Variants in GABBR2 observed in about 807,000 individuals in gnomAD.
GABBR2 encodes the protein gamma-aminobutyric acid type B receptor subunit 2.
In GABBR2, 23 loss-of-function variants were observed where a neutral mutation model predicts 105.6. The ratio of observed to expected loss-of-function variants is 0.22; its 90% CI spans 0.16 to 0.31. The LOEUF is 0.31. Among genes scored for constraint, GABBR2 ranks in the 10% least tolerant of loss-of-function variants. GABBR2 has a pLI of 1.00. For missense variants in GABBR2, 734 were observed against 1,245.5 expected, an observed-to-expected ratio of 0.59 and a Z score of 6.18; for synonymous variants, 478 against 499.7, an observed-to-expected ratio of 0.96 and a Z score of 0.58.
chr9:98,549,757 G>T (rs113964626), intron 2 of GABBR2, among the ~76,000 whole-genome samples: 2,457 of 152,312 alleles, frequency 0.016, 69 homozygotes, highest in African/African-American at 0.055. Flanking sequence ...TGCCCAGGGA[G>T]TCTTGAGCAC....
chr9:98,417,445 T>C (rs1292377136), intron 7 of GABBR2, among the ~76,000 whole-genome samples: 4 of 152,196 alleles, frequency 2.6e-5, no homozygotes, highest in Non-Finnish European at 5.9e-5. Context: ...TGATGTTGGC[T>C]AACACTATTT....
intron 1 of GABBR2, among the ~76,000 whole-genome samples, chr9:98,598,800 G>A (rs893617557): frequency 6.6e-6 from 1 of 152,082 alleles, no homozygotes; most frequent in African/African-American, 2.4e-5. Context: ...CCTAGGAGGC[G>A]GCATCACACA....
intron 2 of GABBR2, among the ~76,000 whole-genome samples, chr9:98,572,185 G>C (rs903450674): frequency 6.6e-6 from 1 of 152,214 alleles, no homozygotes; most frequent in Non-Finnish European, 1.5e-5. Flanking sequence ...CATATAGAGG[G>C]AGAAACAGGT....
At chr9:98,677,122 G>C (rs1020918460) in intron 1 of GABBR2, among the ~76,000 whole-genome samples, 1 of 152,180 alleles carries the variant, frequency 6.6e-6, no homozygotes, top group African/African-American at 2.4e-5. Flanking sequence ...TTTTCACATA[G>C]CCAAGAAGAC....
At chr9:98,299,446 T>C (rs1830434182) in intron 16 of GABBR2, 93 bp from the exon 17 acceptor site, 1 of 1,365,282 alleles carries the variant, frequency 7.3e-7, no homozygotes, top group African/African-American at 1.4e-5. Context: ...GGGCTGGGCC[T>C]TTACCTGTAT....
At chr9:98,523,775 G>A (rs1157486420) in intron 3 of GABBR2, among the ~76,000 whole-genome samples, 1 of 152,182 alleles carries the variant, frequency 6.6e-6, no homozygotes, top group Non-Finnish European at 1.5e-5. Context: ...ACCCACCAGA[G>A]TTGTTGGTCA....
At chr9:98,404,056 C>G (rs1338507361) in intron 8 of GABBR2, among the ~76,000 whole-genome samples, 1 of 151,304 alleles carries the variant, frequency 6.6e-6, no homozygotes, top group Admixed American at 6.6e-5. Context: ...GTGTTTAAAC[C>G]TAACGTATGA....
chr9:98,645,315 A>G (rs1443960096), intron 1 of GABBR2, among the ~76,000 whole-genome samples: 1 of 152,182 alleles, frequency 6.6e-6, no homozygotes, highest in Non-Finnish European at 1.5e-5. Flanking sequence ...GACTAAAAGC[A>G]TAGCGTCCAG....
chr9:98,343,665 C>A (rs938851526), intron 13 of GABBR2, among the ~76,000 whole-genome samples: 4 of 152,092 alleles, frequency 2.6e-5, no homozygotes, highest in African/African-American at 9.7e-5. Context: ...TGAGACCAGC[C>A]TGATTAACAT....
chr9:98,560,402 T>TAC (rs1251088489), intron 2 of GABBR2, among the ~76,000 whole-genome samples: 86 of 106,736 alleles, frequency 8.1e-4, no homozygotes, highest in African/African-American at 2.0e-3. Context: ...CATACACACA[T>TAC]ACACACACAC....
chr9:98,552,222 G>C (rs925160841), intron 2 of GABBR2: 1 of 152,164 alleles, frequency 6.6e-6, no homozygotes, highest in African/African-American at 2.4e-5. Context: ...AACCGGGCAG[G>C]GGGGACCACA....
Position 98,453,985 on chromosome 9 carries a change from A to AC in GABBR2, c.1231dup (p.Val411GlyfsTer17). ...GCCCAGAGGCATGGGACTGACCGTGACCCCGAAGAAGTTGGTCTCGTTCAT... is the reference window on the plus strand; with the variant it reads ...GCCCAGAGGCATGGGACTGACCGTGACCCCCGAAGAAGTTGGTCTCGTTCAT... On this transcript the variant is annotated frameshift_variant, in exon 7 of 19. Coordinates refer to ENST00000259455, the MANE Select transcript of GABBR2 (RefSeq NM_005458.8). LOFTEE classifies it high-confidence loss of function. 6.2e-7 allele frequency: 1 copy of AC among 1,609,454 alleles called. No homozygotes were observed. The highest frequency in any genetic ancestry group is 8.5e-7 in the Non-Finnish European group (1 of 1,175,684).
intron 7 of GABBR2, among the ~76,000 whole-genome samples, chr9:98,420,739 G>C (rs1389261642): frequency 6.6e-6 from 1 of 152,192 alleles, no homozygotes; most frequent in Non-Finnish European, 1.5e-5. Flanking sequence ...GCTAGGGAGA[G>C]ATCACCAGGC....
chr9:98,344,912 C>T (rs550003447), intron 13 of GABBR2, among the ~76,000 whole-genome samples: 3 of 152,120 alleles, frequency 2.0e-5, no homozygotes, highest in Non-Finnish European at 4.4e-5. Flanking sequence ...TCTTCTTAGC[C>T]CTTTTGCCTA....
intron 7 of GABBR2, among the ~76,000 whole-genome samples, chr9:98,415,114 C>T (rs2131545344): frequency 6.6e-6 from 1 of 152,228 alleles, no homozygotes; most frequent in Non-Finnish European, 1.5e-5. Flanking sequence ...ATTGTATATA[C>T]AGTATACTCG....
At chr9:98,627,335 G>C (rs1829752985) in intron 1 of GABBR2, among the ~76,000 whole-genome samples, 1 of 152,168 alleles carries the variant, frequency 6.6e-6, no homozygotes, top group Non-Finnish European at 1.5e-5. Flanking sequence ...ACCACCAGAA[G>C]CTTGGTAGGG....
At chr9:98,695,287 G>A (rs1230863487) in intron 1 of GABBR2, among the ~76,000 whole-genome samples, 1 of 152,226 alleles carries the variant, frequency 6.6e-6, no homozygotes, top group Non-Finnish European at 1.5e-5. Flanking sequence ...CCAAACAGAT[G>A]CTGTGCCTGT....
intron 1 of GABBR2, among the ~76,000 whole-genome samples, chr9:98,593,600 GC>G (rs1829177619): frequency 6.6e-6 from 1 of 152,192 alleles, no homozygotes; most frequent in Non-Finnish European, 1.5e-5. Flanking sequence ...GCTGAGTCCA[GC>G]ACTGGGCACA....
chr9:98,301,351 TG>T (rs1830466025), intron 16 of GABBR2, among the ~76,000 whole-genome samples: 2 of 152,340 alleles, frequency 1.3e-5, no homozygotes, highest in South Asian at 4.1e-4. Context: ...TGCTCGTTGG[TG>T]GGGAAAACCC....
Sources: gnomAD v4.1 joint callset for allele counts (sites outside exome capture counted in the v4.1 genomes callset) on GRCh38, gnomAD v4.1.1 for gene constraint, MANE v1.5 for transcripts, NCBI Gene and HGNC (gene_info 2026-07-23, HGNC 2026-07-21) for gene names.